Variants in DTNB observed in about 807,000 individuals in gnomAD.
The protein encoded by DTNB is DTN-B.
In DTNB, 63 loss-of-function variants were observed where a neutral mutation model predicts 90.7. That is an observed-to-expected ratio of 0.69 (90% CI 0.57 to 0.86). The LOEUF (loss-of-function observed/expected upper bound fraction) is 0.86, where lower values mean the gene tolerates loss of function less well. DTNB is among the 40% of genes least tolerant of loss of function. The pLI is 0.00. For synonymous variants in DTNB, 277 were observed against 286.7 expected (o/e 0.97, Z 0.34); for missense variants, 744 against 807.1 (o/e 0.92, Z 0.95).
At chr2:25,509,106 TAAAG>T (rs2073296019) in intron 9 of DTNB, among the ~76,000 whole-genome samples, 1 of 152,238 alleles carries the variant, frequency 6.6e-6, no homozygotes, top group African/African-American at 2.4e-5. Flanking sequence ...CATCTATGAA[TAAAG>T]AAAATTTTAA....
chr2:25,640,035 C>T (rs964156641), intron 2 of DTNB, among the ~76,000 whole-genome samples: 3 of 152,200 alleles, frequency 2.0e-5, no homozygotes, highest in African/African-American at 7.2e-5. Context: ...GAAGCAAAGT[C>T]AAGATGTCAG....
intron 11 of DTNB, among the ~76,000 whole-genome samples, chr2:25,452,460 G>A (rs895207097): frequency 6.0e-4 from 92 of 152,300 alleles, no homozygotes; most frequent in African/African-American, 2.1e-3. Flanking sequence ...CTCTGTTTAG[G>A]ACTGGCAGAT....
At chr2:25,536,073 G>T (rs1181668662) in intron 8 of DTNB, among the ~76,000 whole-genome samples, 1 of 148,164 alleles carries the variant, frequency 6.7e-6, no homozygotes, top group Non-Finnish European at 1.5e-5. Context: ...CAGACGGGGC[G>T]GCTGGGCCGA....
chr2:25,584,799 C>T (rs568358419), intron 6 of DTNB, among the ~76,000 whole-genome samples: 2 of 152,162 alleles, frequency 1.3e-5, no homozygotes, highest in East Asian at 3.9e-4. Context: ...TCACGTGATC[C>T]ACCTGCCTCG....
rs771886894 is a variant in DTNB, at chr2:25,533,139, C to T, written c.877-1542G>A. ...AGGAGTTTGAGATCAGCCTAAGCAA[C>T]GTGGCGAAACCCGGTCTCTACAAAA... On this transcript the variant is annotated intron_variant, in intron 8 of 20. Coordinates refer to ENST00000406818, the MANE Select transcript of DTNB (RefSeq NM_021907.5). 1.1e-3 allele frequency among the ~76,000 whole-genome samples: 162 copies of T among 151,910 alleles called. 1 individual carries two copies. Among genetic ancestry groups the T allele is most frequent in the Non-Finnish European group, 1.8e-3 (121 of 67,986 alleles).
chr2:25,545,604 C>T (rs1407311658), intron 8 of DTNB, among the ~76,000 whole-genome samples: 1 of 152,184 alleles, frequency 6.6e-6, no homozygotes, highest in African/African-American at 2.4e-5. Context: ...TTACTGAACA[C>T]TAGAAATGCT....
Position 25,380,776 on chromosome 2 carries a change from G to A in DTNB, c.1880-1453C>T, listed in dbSNP as rs72613823. On this transcript the variant is annotated intron_variant, in intron 19 of 20. Transcript: ENST00000406818. ...TGCCCTGGGGCCTGGAGGCCCGGGC[G>A]AGGGAAACCCAGTCTGATGTGGACA... Among the ~76,000 whole-genome samples the A allele has an allele frequency of 4.1e-4, 59 of 142,822 alleles. No individual in the cohort carries two copies. The South Asian group carries it at 5.4e-3, about 13-fold the overall frequency. 93.7% of individuals were successfully genotyped at this position (142,822 alleles called of 152,430 possible). A position where few individuals can be genotyped will look rare whatever the true frequency, so the allele number is the denominator to read the frequency against.
intron 10 of DTNB, among the ~76,000 whole-genome samples, chr2:25,478,458 G>T (rs2064187280): frequency 6.6e-6 from 1 of 152,148 alleles, no homozygotes; most frequent in South Asian, 2.1e-4. Flanking sequence ...CTATGTGCTA[G>T]GTAGGAAAAC....
intron 8 of DTNB, among the ~76,000 whole-genome samples, chr2:25,576,170 T>C (rs2060613113): frequency 6.6e-6 from 1 of 151,334 alleles, no homozygotes; most frequent in Non-Finnish European, 1.5e-5. Flanking sequence ...AAGTCTTACT[T>C]AGAGCTCAAA....
chr2:25,607,111 T>C (rs1296315617), intron 5 of DTNB, 125 bp downstream of exon 5: 3 of 1,003,880 alleles, frequency 3.0e-6, no homozygotes, highest in East Asian at 2.7e-5. Context: ...AGCCAGCTGC[T>C]GCAGCGTGAG....
intron 8 of DTNB, among the ~76,000 whole-genome samples, chr2:25,572,457 A>G (rs1166303588): frequency 7.1e-6 from 1 of 140,630 alleles, no homozygotes; most frequent in African/African-American, 2.7e-5. Context: ...ACAAAGCGAG[A>G]CTCCATCGCC....
chr2:25,416,847 A>AGGAAGGAAGGAG, intron 16 of DTNB, among the ~76,000 whole-genome samples: 1 of 148,152 alleles, frequency 6.7e-6, no homozygotes, highest in East Asian at 1.9e-4. Flanking sequence ...GAAGGAAGGA[A>AGGAAGGAAGGAG]GGGTGGTTGG....
chr2:25,633,885 G>A lies in DTNB; in HGVS notation c.148+5129C>T, dbSNP rs867946499. Reference sequence around the variant, plus strand: ...CGCGACCCCGTCTGGGAGGTGAGGAGCGTCTCTGCCCGGCCGCACCGTCTG... The same window carrying A: ...CGCGACCCCGTCTGGGAGGTGAGGAACGTCTCTGCCCGGCCGCACCGTCTG... On this transcript the variant is annotated intron_variant, in intron 3 of 20. Transcript: ENST00000406818. Among the ~76,000 whole-genome samples, 348 of 151,810 alleles carry A rather than the reference G, an allele frequency of 2.3e-3. 2 individuals carry two copies. The highest frequency in any genetic ancestry group is 6.8e-3 in the African/African-American group (282 of 41,388).
chr2:25,526,371 AT>A (rs2077099113), intron 9 of DTNB, among the ~76,000 whole-genome samples: 1 of 46,672 alleles, frequency 2.1e-5, no homozygotes, highest in African/African-American at 1.4e-4. Flanking sequence ...AAATATATAT[AT>A]ATATATATAT....
intron 11 of DTNB, among the ~76,000 whole-genome samples, chr2:25,453,823 A>G (rs1209220291): frequency 2.0e-5 from 3 of 152,154 alleles, no homozygotes; most frequent in African/African-American, 4.8e-5. Flanking sequence ...CTAGAGGGTA[A>G]GCCTATTAAA....
intron 16 of DTNB, 178 bp from the exon 17 acceptor site, chr2:25,388,539 G>C (rs1379798329): frequency 9.7e-6 from 8 of 825,810 alleles, no homozygotes; most frequent in Non-Finnish European, 1.4e-5. Flanking sequence ...GGAAGAAAAG[G>C]AAAAAAGGAA....
intron 3 of DTNB, among the ~76,000 whole-genome samples, 194 bp from the exon 4 acceptor site, chr2:25,628,578 T>C (rs573928246): frequency 6.6e-6 from 1 of 152,138 alleles, no homozygotes; most frequent in Non-Finnish European, 1.5e-5. Flanking sequence ...CACAGCGGTA[T>C]GGGAAGGACT....
chr2:25,633,587 C>G (rs1203750984), intron 3 of DTNB, among the ~76,000 whole-genome samples: 5 of 152,066 alleles, frequency 3.3e-5, no homozygotes, highest in Non-Finnish European at 7.4e-5. Context: ...GGCCGCCACC[C>G]CGTCTGGGAA....
At chr2:25,380,729 G>A (rs530501107) in intron 19 of DTNB, among the ~76,000 whole-genome samples, 72 of 152,288 alleles carry the variant, frequency 4.7e-4, no homozygotes, top group African/African-American at 1.6e-3. Context: ...ATGCGAACAG[G>A]GCAGTGCACG....
Sources: gnomAD v4.1 joint callset for allele counts (sites outside exome capture counted in the v4.1 genomes callset) on GRCh38, gnomAD v4.1.1 for gene constraint, MANE v1.5 for transcripts, NCBI Gene and HGNC (gene_info 2026-07-23, HGNC 2026-07-21) for gene names.